The following MAGI1 variants were observed in gnomAD, a reference collection of about 807,000 sequenced individuals.
The protein encoded by MAGI1 is membrane-associated guanylate kinase, WW and PDZ domain-containing protein 1.
Under a neutral mutation model 139.9 loss-of-function variants are expected in MAGI1, and 58 were observed. That is an observed-to-expected ratio of 0.41 (90% confidence interval 0.34 to 0.52). The LOEUF is 0.52. Among genes scored for constraint, MAGI1 ranks in the 20% least tolerant of loss-of-function variants. The probability of loss-of-function intolerance (pLI) is 0.12; values close to 1 mark genes in which losing one functional copy is unlikely to be tolerated. For synonymous variants in MAGI1, 812 were observed against 737.9 expected (o/e 1.10, Z -1.63); for missense variants, 1,874 against 1,901.6 (o/e 0.99, Z 0.27).
intron 1 of MAGI1, among the ~76,000 whole-genome samples, chr3:66,017,332 G>A (rs2067705794): frequency 6.6e-6 from 1 of 152,230 alleles, no homozygotes; most frequent in Admixed American, 6.5e-5. Context: ...AATGAGCCAG[G>A]CTCGCAGTGA....
intron 1 of MAGI1, among the ~76,000 whole-genome samples, chr3:65,862,069 T>G (rs927909318): frequency 6.6e-6 from 1 of 152,186 alleles, no homozygotes; most frequent in Admixed American, 6.5e-5. Context: ...CTATGTCTAA[T>G]GAGGCTCTGT....
chr3:65,799,771 T>C (rs1158964021), intron 1 of MAGI1, among the ~76,000 whole-genome samples: 1 of 152,334 alleles, frequency 6.6e-6, no homozygotes, highest in East Asian at 1.9e-4. Flanking sequence ...TTATGTGTTT[T>C]TTAAAAAATA....
At chr3:65,465,354 AT>A (rs1272015319) in intron 5 of MAGI1, among the ~76,000 whole-genome samples, 2 of 150,040 alleles carry the variant, frequency 1.3e-5, no homozygotes, top group Admixed American at 1.3e-4. Context: ...TTTTTTTAGA[AT>A]TTTGGTATTG....
chr3:65,866,823 T>G, intron 1 of MAGI1, among the ~76,000 whole-genome samples: 1 of 151,792 alleles, frequency 6.6e-6, no homozygotes. Context: ...TAACTTGTGG[T>G]CCCTTACCAA....
chr3:66,004,053 T>C (rs1438080630), intron 1 of MAGI1: 4 of 152,168 alleles, frequency 2.6e-5, no homozygotes, highest in Non-Finnish European at 5.9e-5. Flanking sequence ...TGAGACTATC[T>C]AAAACAATTC....
intron 2 of MAGI1, among the ~76,000 whole-genome samples, chr3:65,611,545 T>A (rs543487543): frequency 1.4e-5 from 2 of 146,296 alleles, no homozygotes; most frequent in Non-Finnish European, 3.0e-5. Flanking sequence ...CTATATATAC[T>A]ATATACTGTA....
At chr3:65,947,894 G>C (rs2063611835) in intron 1 of MAGI1, among the ~76,000 whole-genome samples, 1 of 151,266 alleles carries the variant, frequency 6.6e-6, no homozygotes, top group Non-Finnish European at 1.5e-5. Context: ...TGGGATTACA[G>C]GCATTGAGCA....
chr3:66,012,730 C>T (rs1560109947), intron 1 of MAGI1, among the ~76,000 whole-genome samples: 2 of 147,470 alleles, frequency 1.4e-5, no homozygotes, highest in Non-Finnish European at 3.0e-5. Context: ...CGTGCTACTG[C>T]ACTCCAGCCT....
intron 2 of MAGI1, among the ~76,000 whole-genome samples, chr3:65,577,635 T>C (rs1251730506): frequency 6.6e-6 from 1 of 152,122 alleles, no homozygotes; most frequent in Non-Finnish European, 1.5e-5. Flanking sequence ...TCTCACTAAA[T>C]TCAACACCAC....
chr3:65,585,886 C>T (rs929741128), intron 2 of MAGI1, among the ~76,000 whole-genome samples: 8 of 151,970 alleles, frequency 5.3e-5, no homozygotes, highest in Non-Finnish European at 1.2e-4. Context: ...TAATATGCAA[C>T]AATACAAAGG....
At chr3:65,945,758 G>A (rs1327143877) in intron 1 of MAGI1, among the ~76,000 whole-genome samples, 2 of 152,180 alleles carry the variant, frequency 1.3e-5, no homozygotes, top group Non-Finnish European at 2.9e-5. Context: ...CATCCCTGGA[G>A]TCTCTGTGAA....
chr3:65,530,739 ATG>A (rs1292032919), intron 2 of MAGI1, among the ~76,000 whole-genome samples: 16 of 96,282 alleles, frequency 1.7e-4, no homozygotes, highest in South Asian at 7.2e-4. Context: ...GTATATATAT[ATG>A]CACATATATA....
At chr3:65,953,843 G>C (rs1436514732) in intron 1 of MAGI1, among the ~76,000 whole-genome samples, 1 of 152,164 alleles carries the variant, frequency 6.6e-6, no homozygotes, top group East Asian at 1.9e-4. Context: ...GAAAGGCAAT[G>C]TTCGTTAGGT....
chr3:65,928,921 G>A (rs189980851), intron 1 of MAGI1, among the ~76,000 whole-genome samples: 8 of 152,220 alleles, frequency 5.3e-5, no homozygotes, highest in Admixed American at 3.9e-4. Flanking sequence ...ATTAGCATGA[G>A]TTTTCTGAGA....
At chr3:65,757,505 G>T (rs7615561) in intron 1 of MAGI1, among the ~76,000 whole-genome samples, 28 of 152,182 alleles carry the variant, frequency 1.8e-4, no homozygotes, top group African/African-American at 6.7e-4. Flanking sequence ...GGGCACGGTG[G>T]TGCACACCTG....
chr3:65,852,302 GCAT>G (rs1392337664), intron 1 of MAGI1, among the ~76,000 whole-genome samples: 2 of 151,792 alleles, frequency 1.3e-5, no homozygotes, highest in Non-Finnish European at 2.9e-5. Flanking sequence ...CACCTGGCCA[GCAT>G]CAGTTTTGAG....
In MAGI1 at chr3:65,437,255, A is replaced by T; in HGVS notation, c.1271-8T>A. 2.5e-6 allele frequency: 4 copies of T among 1,572,738 alleles called. No individual in the cohort carries two copies. Among genetic ancestry groups the T allele is most frequent in the Non-Finnish European group, 3.5e-6 (4 of 1,145,792 alleles). On this transcript the variant is annotated splice_region_variant and splice_polypyrimidine_tract_variant and intron_variant, in intron 9 of 22. Transcript: ENST00000402939. ...AGTGATCTTCTGTCCATTCTATGAAAAAGAAAAGAAAGTTTCCTATTTTTC... is the reference window on the plus strand; with the variant it reads ...AGTGATCTTCTGTCCATTCTATGAATAAGAAAAGAAAGTTTCCTATTTTTC...
At chr3:65,525,083 C>A (rs866445410) in intron 2 of MAGI1, among the ~76,000 whole-genome samples, 1 of 152,238 alleles carries the variant, frequency 6.6e-6, no homozygotes. Context: ...TAATTTCAAA[C>A]ACCTACTTGG....
intron 1 of MAGI1, among the ~76,000 whole-genome samples, chr3:65,913,603 G>T (rs180949605): frequency 3.5e-4 from 54 of 152,210 alleles, no homozygotes; most frequent in Admixed American, 5.9e-4. Context: ...GGGCAAAACA[G>T]GTTCCTTAAA....
Sources: gnomAD v4.1 joint callset for allele counts (sites outside exome capture counted in the v4.1 genomes callset) on GRCh38, gnomAD v4.1.1 for gene constraint, MANE v1.5 for transcripts, NCBI Gene and HGNC (gene_info 2026-07-23, HGNC 2026-07-21) for gene names.